Variants in FAM83B observed in about 807,000 individuals in gnomAD.
FAM83B encodes protein FAM83B.
In FAM83B, 26 loss-of-function variants were observed where a neutral mutation model predicts 38.8. The ratio of observed to expected loss-of-function variants is 0.67; its 90% confidence interval spans 0.49 to 0.93. The LOEUF (loss-of-function observed/expected upper bound fraction) is 0.93. Ranked by LOEUF, FAM83B falls within the 40% of genes least tolerant of loss-of-function variation. FAM83B has a pLI of 0.00. For missense variants in FAM83B, 1,237 were observed against 1,197.3 expected (o/e 1.03, Z -0.49); for synonymous variants, 419 against 423.1 (o/e 0.99, Z 0.12).
chr6:54,852,377 CAT>C (rs1378295074), intron 1 of FAM83B, among the ~76,000 whole-genome samples: 1 of 152,038 alleles, frequency 6.6e-6, no homozygotes, highest in African/African-American at 2.4e-5. Flanking sequence ...TTTTGGTGAT[CAT>C]TGATCTCTGA....
chr6:54,875,049 A>G (rs1044159292), intron 2 of FAM83B, among the ~76,000 whole-genome samples: 3 of 152,154 alleles, frequency 2.0e-5, no homozygotes, highest in Non-Finnish European at 2.9e-5. Context: ...TAGAATAGAG[A>G]CTTTGTCACC....
At position 54,940,088 on chromosome 6, in the gene FAM83B, C is replaced by A. The variant is rs370292018; in HGVS notation, c.1117C>A (p.Arg373Ser). The change falls in exon 5 of 5, where the codon CGT becomes AGT. Residue 373 changes from arginine (R) to serine (S), a missense_variant. By Grantham distance (110) the Arg-to-Ser change is moderately radical (BLOSUM62 -1). Transcript: ENST00000306858. Reference sequence around the variant, plus strand: ...TAACTTTAATGGTCCAAACGCAATACGTCAGTTTCAACCCAATCAGATAAA... The same window carrying A: ...TAACTTTAATGGTCCAAACGCAATAAGTCAGTTTCAACCCAATCAGATAAA... ...VPNFNGPNAI[R>S]QFQPNQINEN... 6.2e-7 allele frequency: 1 copy of A among 1,613,956 alleles called. No homozygotes were observed. The highest frequency in any genetic ancestry group is 8.5e-7 in the Non-Finnish European group (1 of 1,179,990).
At chr6:54,887,153 A>G (rs1393928432) in intron 2 of FAM83B, among the ~76,000 whole-genome samples, 1 of 139,456 alleles carries the variant, frequency 7.2e-6, no homozygotes, top group East Asian at 2.2e-4. Flanking sequence ...AATTTGAAAA[A>G]CATAATTAAC....
rs765621314 is a variant in FAM83B at position 54,941,862 on chromosome 6, A to T, written c.2891A>T (p.Lys964Ile). ...PNTSINRPEI[K>I]SATMGNSYGR... Reference sequence around the variant, plus strand: ...ACCAGTATAAATCGCCCAGAAATAAAATCTGCGACTATGGGCAACAGTTAT... The same window carrying T: ...ACCAGTATAAATCGCCCAGAAATAATATCTGCGACTATGGGCAACAGTTAT... The change falls in exon 5 of 5, where the codon AAA (lysine) becomes ATA (isoleucine). Residue 964 changes from lysine (K) to isoleucine (I), a missense_variant. Lys to Ile is a moderately radical substitution (Grantham distance 102). Coordinates refer to ENST00000306858, the MANE Select transcript of FAM83B (RefSeq NM_001010872.3). 17 of 1,614,114 alleles carry T rather than the reference A, an allele frequency of 1.1e-5. No homozygotes were observed. The highest frequency in any genetic ancestry group is 1.1e-5 in the Non-Finnish European group (13 of 1,180,020).
At chr6:54,933,059 T>C (rs1773457714) in intron 4 of FAM83B, among the ~76,000 whole-genome samples, 1 of 152,140 alleles carries the variant, frequency 6.6e-6, no homozygotes, top group Admixed American at 6.6e-5. Context: ...TTGCCTCTCC[T>C]CTTTCTGAGC....
chr6:54,940,665 A>T lies in FAM83B; in HGVS notation c.1694A>T (p.Asn565Ile). The change falls in exon 5 of 5, where the codon AAT (asparagine) becomes ATT (isoleucine). Residue 565 changes from asparagine to isoleucine, a missense_variant. Physicochemically the swap from Asn to Ile is moderately radical, Grantham distance 149. Transcript: ENST00000306858. ...AACAGTTGTACAACTGGCTCCTCAAATTCAACTATCATTGGTTCTCAGGGA... is the reference window on the plus strand; with the variant it reads ...AACAGTTGTACAACTGGCTCCTCAATTTCAACTATCATTGGTTCTCAGGGA... ...EVNSCTTGSS[N>I]STIIGSQGSE... The T allele has an allele frequency of 6.2e-7, 1 of 1,614,010 alleles. No homozygotes were observed. Among genetic ancestry groups the T allele is most frequent in the South Asian group, 1.1e-5 (1 of 91,080 alleles).
At chr6:54,871,979 A>G (rs1337079968) in intron 2 of FAM83B, among the ~76,000 whole-genome samples, 1 of 152,102 alleles carries the variant, frequency 6.6e-6, no homozygotes, top group South Asian at 2.1e-4. Context: ...CCTCAGTGAC[A>G]TGGCAGTTTG....
chr6:54,868,483 C>A (rs1771769496), intron 1 of FAM83B, among the ~76,000 whole-genome samples: 1 of 151,926 alleles, frequency 6.6e-6, no homozygotes, highest in African/African-American at 2.4e-5. Flanking sequence ...AGGATGTATC[C>A]CAATACATGT....
intron 1 of FAM83B, among the ~76,000 whole-genome samples, chr6:54,865,218 G>C (rs1332334845): frequency 6.6e-6 from 1 of 152,136 alleles, no homozygotes; most frequent in Non-Finnish European, 1.5e-5. Context: ...GCAGGGCCAT[G>C]CTCTCTTTGA....
chr6:54,883,372 T>C (rs1445387911), intron 2 of FAM83B, among the ~76,000 whole-genome samples: 3 of 150,252 alleles, frequency 2.0e-5, no homozygotes, highest in South Asian at 2.1e-4. Context: ...TTCACTCTTG[T>C]TGCCCAGGCT....
chr6:54,870,143 C>A (rs7765721), intron 1 of FAM83B, 44 bp from the exon 2 acceptor site: 375,314 of 857,642 alleles, frequency 0.44, 89,774 homozygotes, highest in Non-Finnish European at 0.5. Flanking sequence ...CATTCTGTTA[C>A]CGAATTTTAA....
In FAM83B at chr6:54,870,401, T is replaced by A. The variant is rs1771818518; in HGVS notation, c.155T>A (p.Val52Asp). The change falls in exon 2 of 5, where the codon GTT becomes GAT. Residue 52 changes from valine (V) to aspartate (D), a missense_variant. By Grantham distance (152) the Val-to-Asp change is radical (BLOSUM62 -3). Coordinates refer to ENST00000306858, the MANE Select transcript of FAM83B (RefSeq NM_001010872.3). Reference sequence around the variant, plus strand: ...CAAGAATTTCTTGTCCAGGAACGAGTTTCAGACTTTCTTGCTGAGGAAGAA... The same window carrying A: ...CAAGAATTTCTTGTCCAGGAACGAGATTCAGACTTTCTTGCTGAGGAAGAA... ...AYQEFLVQERVSDFLAEEEIN... is the reference protein window; with the variant it reads ...AYQEFLVQERDSDFLAEEEIN... 6.2e-7 allele frequency: 1 copy of A among 1,613,696 alleles called. No individual in the cohort carries two copies. Among genetic ancestry groups the A allele is most frequent in the Non-Finnish European group, 8.5e-7 (1 of 1,179,898 alleles).
In FAM83B at chr6:54,940,378, G is replaced by A. The variant is rs755694372; in HGVS notation, c.1407G>A (p.Gly469=). ...CAAATGTTCGGAGGTCTTTTAATGG[G>A]ACAGATAACCATATCCGCTTTTTGC... is the stretch of plus-strand genomic sequence containing the variant. The part of the protein sequence containing the change: ...RNSNVRRSFN[G]TDNHIRFLQQ... The change falls in exon 5 of 5, where the codon GGG becomes GGA. Residue 469 remains glycine, a synonymous_variant. Transcript: ENST00000306858. The A allele has an allele frequency of 7.4e-6, 12 of 1,613,930 alleles. No individual in the cohort carries two copies. The East Asian group carries it at 2.2e-4, about 30-fold the overall frequency.
intron 1 of FAM83B, among the ~76,000 whole-genome samples, chr6:54,862,561 A>G (rs752397680): frequency 5.3e-5 from 8 of 152,110 alleles, no homozygotes; most frequent in Non-Finnish European, 1.0e-4. Context: ...TGGATCAGCA[A>G]GTGTTTCTTC....
intron 4 of FAM83B, among the ~76,000 whole-genome samples, chr6:54,930,945 C>T (rs1208918972): frequency 6.6e-6 from 1 of 151,996 alleles, no homozygotes; most frequent in African/African-American, 2.4e-5. Context: ...CACCTATAAA[C>T]GTCCCTCTTA....
Position 54,943,118 on chromosome 6 carries a change from G to C in FAM83B, c.*1111G>C, listed in dbSNP as rs977161598. On this transcript the variant is annotated 3_prime_UTR_variant, in exon 5 of 5. Transcript: ENST00000306858. The stretch of plus-strand genomic sequence containing the variant: ...GGATTTCACCATGTTGGCCAGTCTA[G>C]TCTCAAACTCCTGACCTCGTGATCC... 1 of 152,144 alleles carries C rather than the reference G, an allele frequency of 6.6e-6. No individual in the cohort carries two copies. The highest frequency in any genetic ancestry group is 2.4e-5 in the African/African-American group (1 of 41,382). 9.4% of individuals were successfully genotyped at this position (152,144 alleles called of 1,614,324 possible). A position where few individuals can be genotyped will look rare whatever the true frequency, so the allele number is the denominator to read the frequency against.
At chr6:54,937,821 C>T (rs765236089) in intron 4 of FAM83B, among the ~76,000 whole-genome samples, 2 of 152,012 alleles carry the variant, frequency 1.3e-5, no homozygotes, top group Non-Finnish European at 2.9e-5. Context: ...TTTTATGCCA[C>T]GAAGTTTTGA....
At chr6:54,925,802 A>G (rs1770174740) in intron 2 of FAM83B, among the ~76,000 whole-genome samples, 2 of 152,128 alleles carry the variant, frequency 1.3e-5, no homozygotes, top group African/African-American at 4.8e-5. Flanking sequence ...AGATTTTGGT[A>G]TATGCAGAGG....
chr6:54,852,929 T>C (rs1260826884), intron 1 of FAM83B, among the ~76,000 whole-genome samples: 1 of 111,142 alleles, frequency 9.0e-6, no homozygotes, highest in African/African-American at 4.5e-5. Flanking sequence ...TTATTCGATT[T>C]TTGTTGCAAT....
Sources: gnomAD v4.1 joint callset for allele counts (sites outside exome capture counted in the v4.1 genomes callset) on GRCh38, gnomAD v4.1.1 for gene constraint, MANE v1.5 for transcripts, NCBI Gene and HGNC (gene_info 2026-07-23, HGNC 2026-07-21) for gene names.